The following TMTC2 variants were observed in gnomAD, a reference collection of about 807,000 sequenced individuals.
TMTC2 encodes protein O-mannosyl-transferase TMTC2.
Under a neutral mutation model 82.4 loss-of-function variants are expected in TMTC2, and 43 were observed. That is an observed-to-expected ratio of 0.52 (90% CI 0.41 to 0.67). The LOEUF (loss-of-function observed/expected upper bound fraction) is 0.67. Among genes scored for constraint, TMTC2 ranks in the 30% least tolerant of loss-of-function variants. The pLI is 0.00. For missense variants in TMTC2, 919 were observed against 1,012.4 expected (o/e 0.91, Z 1.25); for synonymous variants, 408 against 381.9 (o/e 1.07, Z -0.80).
chr12:82,904,209 T>C (rs1165225608), intron 3 of TMTC2, among the ~76,000 whole-genome samples: 6 of 152,240 alleles, frequency 3.9e-5, no homozygotes, highest in Non-Finnish European at 7.3e-5. Context: ...GCCAGTCTTA[T>C]GTATGTATGG....
In TMTC2 at chr12:82,722,829, G is replaced by A. The variant is rs1177868582; in HGVS notation, c.83+35160G>A. ...ATCTGATTTACTAAACAGAGAAACA[G>A]ATAGTTTTAAAGAAAAAGTAGCTTC... On this transcript the variant is annotated intron_variant, in intron 1 of 11. Transcript: ENST00000321196. Among the ~76,000 whole-genome samples the A allele has an allele frequency of 5.3e-5, 8 of 152,190 alleles. No individual in the cohort carries two copies. The East Asian group carries it at 1.5e-3, about 29-fold the overall frequency.
intron 2 of TMTC2, among the ~76,000 whole-genome samples, chr12:82,881,994 ATTTTT>A (rs869127384): frequency 2.8e-5 from 3 of 107,280 alleles, no homozygotes; most frequent in African/African-American, 4.3e-5. Flanking sequence ...TGTTGTTAAG[ATTTTT>A]TTTTTTTTTT....
At chr12:82,861,129 G>T (rs1871525749) in intron 2 of TMTC2, among the ~76,000 whole-genome samples, 1 of 152,078 alleles carries the variant, frequency 6.6e-6, no homozygotes, top group Non-Finnish European at 1.5e-5. Flanking sequence ...ATATACAAAT[G>T]GAAAACTGCA....
At chr12:82,926,456 G>C (rs1337632356) in intron 3 of TMTC2, among the ~76,000 whole-genome samples, 1 of 152,224 alleles carries the variant, frequency 6.6e-6, no homozygotes, top group African/African-American at 2.4e-5. Flanking sequence ...TAGGTTGAAG[G>C]AAAGAAGCCA....
chr12:82,871,873 T>A (rs78019891), intron 2 of TMTC2, among the ~76,000 whole-genome samples: 4,904 of 152,138 alleles, frequency 0.032, 281 homozygotes, highest in African/African-American at 0.11. Flanking sequence ...CTAATCTAGA[T>A]GTTGAGGGTA....
intron 1 of TMTC2, among the ~76,000 whole-genome samples, chr12:82,732,398 A>G (rs932783707): frequency 3.9e-5 from 6 of 151,918 alleles, no homozygotes; most frequent in African/African-American, 1.5e-4. Flanking sequence ...GCTGGAGTGC[A>G]GTGGCGCGAT....
chr12:82,729,305 C>T (rs1040120949), intron 1 of TMTC2, among the ~76,000 whole-genome samples: 7 of 152,222 alleles, frequency 4.6e-5, no homozygotes, highest in Non-Finnish European at 1.0e-4. Flanking sequence ...GTGTCTAGCT[C>T]AGGGTTTGTG....
At chr12:82,773,443 A>G (rs1014433889) in intron 1 of TMTC2, among the ~76,000 whole-genome samples, 1 of 151,792 alleles carries the variant, frequency 6.6e-6, no homozygotes, top group Non-Finnish European at 1.5e-5. Flanking sequence ...CATCCACAGC[A>G]AAATGAGAAG....
chr12:82,991,626 C>T (rs1033658235), intron 8 of TMTC2, among the ~76,000 whole-genome samples: 5 of 152,136 alleles, frequency 3.3e-5, no homozygotes, highest in African/African-American at 1.2e-4. Context: ...ATGGAAATTT[C>T]ATACCAATGT....
At position 82,687,525 on chromosome 12, in the gene TMTC2, G is replaced by GT. The variant is rs902292136; in HGVS notation, c.-56dup. 156 of 1,515,754 alleles carry GT rather than the reference G, an allele frequency of 1.0e-4. No homozygotes were observed. The African/African-American group carries it at 2.0e-3, about 19-fold the overall frequency. The allele number at this position is 1,515,754 out of a possible 1,614,324, so 93.9% of individuals were successfully genotyped here. A position where few individuals can be genotyped will look rare whatever the true frequency, so the allele number is the denominator to read the frequency against. ...GCGGAAGGTGGAGATTGATGCTTCT[G>GT]TTTTTTGTTGCCGCTGCTGCCCTCG... On this transcript the variant is annotated 5_prime_UTR_variant, in exon 1 of 12. Transcript: ENST00000321196.
intron 1 of TMTC2, among the ~76,000 whole-genome samples, chr12:82,764,382 C>A (rs1422200204): frequency 1.3e-5 from 2 of 152,128 alleles, no homozygotes; most frequent in African/African-American, 4.8e-5. Context: ...AGGTAATCCA[C>A]CTGCTTTGGC....
intron 1 of TMTC2, among the ~76,000 whole-genome samples, chr12:82,724,455 G>A (rs951410263): frequency 6.6e-6 from 1 of 152,158 alleles, no homozygotes; most frequent in Non-Finnish European, 1.5e-5. Flanking sequence ...GTGATAGTGA[G>A]TGAGTTCTCA....
chr12:82,870,781 G>T (rs1171362083), intron 2 of TMTC2, among the ~76,000 whole-genome samples: 1 of 152,178 alleles, frequency 6.6e-6, no homozygotes, highest in Admixed American at 6.5e-5. Context: ...AAGTGAAAAT[G>T]ACTCCAAAAC....
chr12:82,782,808 G>A (rs1877972643), intron 1 of TMTC2, among the ~76,000 whole-genome samples: 1 of 152,150 alleles, frequency 6.6e-6, no homozygotes, highest in Non-Finnish European at 1.5e-5. Flanking sequence ...GATGCACAGT[G>A]CCTTTGAGTT....
intron 1 of TMTC2, among the ~76,000 whole-genome samples, chr12:82,736,004 A>ACACAC (rs1402809782): frequency 1.4e-5 from 2 of 140,416 alleles, no homozygotes; most frequent in Non-Finnish European, 3.1e-5. Flanking sequence ...CACACACACA[A>ACACAC]TTATCTTGAT....
intron 1 of TMTC2, among the ~76,000 whole-genome samples, chr12:82,797,238 C>T (rs73358226): frequency 0.012 from 1,899 of 152,174 alleles, 39 homozygotes; most frequent in African/African-American, 0.044. Context: ...TGAAATATTT[C>T]CCATATAGCC....
intron 11 of TMTC2, among the ~76,000 whole-genome samples, chr12:83,083,947 A>G (rs1029463295): frequency 2.6e-5 from 4 of 152,190 alleles, no homozygotes; most frequent in African/African-American, 9.6e-5. Flanking sequence ...TTCAAAGATA[A>G]TGTCGACTTT....
chr12:83,047,150 C>T (rs1882175043), intron 9 of TMTC2, among the ~76,000 whole-genome samples: 1 of 152,064 alleles, frequency 6.6e-6, no homozygotes, highest in South Asian at 2.1e-4. Flanking sequence ...GTAGGTTCCA[C>T]TATGGGAAGC....
At chr12:83,073,299 T>A (rs1267750704) in intron 11 of TMTC2, among the ~76,000 whole-genome samples, 4 of 152,206 alleles carry the variant, frequency 2.6e-5, no homozygotes, top group African/African-American at 7.2e-5. Flanking sequence ...AGGCTGAAGA[T>A]AGGGCCCCAA....
Sources: allele counts gnomAD v4.1 joint callset (sites outside exome capture counted in the v4.1 genomes callset), GRCh38; gene constraint gnomAD v4.1.1; transcripts MANE v1.5; gene names NCBI Gene and HGNC (gene_info 2026-07-23, HGNC 2026-07-21).